Variants in INSYN2A observed in about 807,000 individuals in gnomAD.
INSYN2A encodes inhibitory synaptic factor 2A, also known as family with sequence similarity 196 member A.
INSYN2A carries 17 observed loss-of-function variants against 39.4 expected under a neutral mutation model. The ratio of observed to expected loss-of-function variants is 0.43; its 90% CI spans 0.30 to 0.65. The LOEUF is 0.65. Ranked by LOEUF, INSYN2A falls within the 30% of genes least tolerant of loss-of-function variation. The pLI is 0.14. For synonymous variants in INSYN2A, 255 were observed against 265.7 expected (o/e 0.96, Z 0.39); for missense variants, 595 against 631.2 (o/e 0.94, Z 0.61).
chr10:127,186,217 A>G (rs1410911423), intron 2 of INSYN2A, among the ~76,000 whole-genome samples: 3 of 152,168 alleles, frequency 2.0e-5, no homozygotes, highest in African/African-American at 7.2e-5. Flanking sequence ...GAAATGCCTG[A>G]GACTGGGTTA....
At chr10:127,141,378 C>A (rs2051226418) in intron 5 of INSYN2A, among the ~76,000 whole-genome samples, 1 of 152,108 alleles carries the variant, frequency 6.6e-6, no homozygotes, top group African/African-American at 2.4e-5. Context: ...CGTAATATTG[C>A]TAGAATTAAT....
chr10:127,173,749 C>T (rs1011913966), intron 4 of INSYN2A, among the ~76,000 whole-genome samples: 9 of 152,250 alleles, frequency 5.9e-5, no homozygotes, highest in African/African-American at 9.6e-5. Context: ...CCCCACCCCA[C>T]GCCTGATGAG....
chr10:127,158,146 A>C lies in INSYN2A; in HGVS notation c.1185-4223T>G, dbSNP rs538039979. 2.0e-5 allele frequency among the ~76,000 whole-genome samples: 3 copies of C among 152,338 alleles called. No homozygotes were observed. The South Asian group carries it at 6.2e-4, about 32-fold the overall frequency. On this transcript the variant is annotated intron_variant, in intron 4 of 5. Coordinates refer to ENST00000522781, the MANE Select transcript of INSYN2A (RefSeq NM_001039762.3). Reference sequence around the variant, plus strand: ...TTCTCCAAATAGAGATGAAACAGATAAGTTATTTCTACAGGACAGGGAACA... The same window carrying C: ...TTCTCCAAATAGAGATGAAACAGATCAGTTATTTCTACAGGACAGGGAACA...
Position 127,176,131 on chromosome 10 carries a change from T to A in INSYN2A, c.265A>T (p.Thr89Ser). ...GGGATGGACCTGCGTGCGGGCACTG[T>A]CATGTATTTGCGGTAGGCTGCTCTG... is the stretch of plus-strand genomic sequence containing the variant. ...SCRAAYRKYM[T>S]VPARRSIPNV... Residue 89 changes from threonine (T) to serine (S), a missense_variant, in exon 4 of 6, where the codon ACA becomes TCA. Transcript: ENST00000522781. This position sits in a 1 kb window ranked among gnomAD's most constrained non-coding sequence, Gnocchi z 4.4. 1 of 1,614,066 alleles carries A rather than the reference T, an allele frequency of 6.2e-7. No homozygotes were observed. Among genetic ancestry groups the A allele is most frequent in the Non-Finnish European group, 8.5e-7 (1 of 1,180,016 alleles).
In INSYN2A at chr10:127,153,841, T is replaced by C. The variant is rs1243393131; in HGVS notation, c.1256+11A>G. Reference sequence around the variant, plus strand: ...TAATAAGAAAGTGGGAAGAGGAGAATGTTAACATACCTATAGATAATACAT... The same window carrying C: ...TAATAAGAAAGTGGGAAGAGGAGAACGTTAACATACCTATAGATAATACAT... On this transcript the variant is annotated intron_variant, in intron 5 of 5. Coordinates refer to ENST00000522781, the MANE Select transcript of INSYN2A (RefSeq NM_001039762.3). The C allele has an allele frequency of 6.3e-7, 1 of 1,598,874 alleles. No homozygotes were observed. The highest frequency in any genetic ancestry group is 8.6e-7 in the Non-Finnish European group (1 of 1,166,560).
In INSYN2A at chr10:127,135,495, T is replaced by A. The variant is rs2050612844; in HGVS notation, c.*2342A>T. On this transcript the variant is annotated 3_prime_UTR_variant, in exon 6 of 6. Coordinates refer to ENST00000522781, the MANE Select transcript of INSYN2A (RefSeq NM_001039762.3). ...ACGACAAGTATAATAATTTAATCTC[T>A]ATATGCAATGCCATGTGTACATCTA... 1 of 152,684 alleles carries A rather than the reference T, an allele frequency of 6.5e-6. No individual in the cohort carries two copies. Among genetic ancestry groups the A allele is most frequent in the African/African-American group, 2.4e-5 (1 of 41,470 alleles). 9.5% of individuals were successfully genotyped at this position (152,684 alleles called of 1,614,324 possible).
chr10:127,188,914 C>T (rs562998291), intron 2 of INSYN2A, among the ~76,000 whole-genome samples: 28 of 152,334 alleles, frequency 1.8e-4, no homozygotes, highest in African/African-American at 6.7e-4. Flanking sequence ...CACACAGATA[C>T]TGGCAGAGCC....
Position 127,137,979 on chromosome 10 carries a change from G to T in INSYN2A, c.1298C>A (p.Pro433Gln). 3.7e-6 allele frequency: 6 copies of T among 1,613,332 alleles called. No individual in the cohort carries two copies. Among genetic ancestry groups the T allele is most frequent in the Non-Finnish European group, 5.1e-6 (6 of 1,179,868 alleles). The change falls in exon 6 of 6, where the codon CCG becomes CAG. Residue 433 changes from proline (P) to glutamine (Q), a missense_variant. Pro to Gln is a moderately conservative substitution (Grantham distance 76). This residue lies in a region of INSYN2A where 117 missense variants were observed against 163.8 expected (regional missense o/e 0.71). Coordinates refer to ENST00000522781, the MANE Select transcript of INSYN2A (RefSeq NM_001039762.3). Reference protein sequence around the residue: ...DFKQQEDKLQPVLRKLHPIEE... With the variant: ...DFKQQEDKLQQVLRKLHPIEE... ...AATAGGGTGGAGTTTTCTTAGAACC[G>T]GCTGGAGTTTGTCTTCTTGCTGCTT...
At chr10:127,193,810 A>G (rs1366844493) in intron 1 of INSYN2A, among the ~76,000 whole-genome samples, 1 of 152,206 alleles carries the variant, frequency 6.6e-6, no homozygotes, top group Non-Finnish European at 1.5e-5. Context: ...GCCACAGGGG[A>G]AAACAACTGT....
chr10:127,189,687 G>A (rs1242608596), intron 2 of INSYN2A, among the ~76,000 whole-genome samples: 2 of 152,152 alleles, frequency 1.3e-5, no homozygotes, highest in Admixed American at 6.5e-5. Flanking sequence ...TGAAAAATAC[G>A]GTTTGAAAGT....
rs1378817065 is a variant in INSYN2A at position 127,137,238 on chromosome 10, G to A, written c.*599C>T. 1 of 152,580 alleles carries A rather than the reference G, an allele frequency of 6.6e-6. No individual in the cohort carries two copies. Among genetic ancestry groups the A allele is most frequent in the Admixed American group, 6.5e-5 (1 of 15,282 alleles). 9.5% of individuals were successfully genotyped at this position (152,580 alleles called of 1,614,324 possible). A position where few individuals can be genotyped will look rare whatever the true frequency, so the allele number is the denominator to read the frequency against. On this transcript the variant is annotated 3_prime_UTR_variant, in exon 6 of 6. Coordinates refer to ENST00000522781, the MANE Select transcript of INSYN2A (RefSeq NM_001039762.3). Reference sequence around the variant, plus strand: ...GGTGTCGTTGTGACACTGAGATGTGGTCACTTGGCTTAGCGCTATAGCACA... The same window carrying A: ...GGTGTCGTTGTGACACTGAGATGTGATCACTTGGCTTAGCGCTATAGCACA...
intron 2 of INSYN2A, among the ~76,000 whole-genome samples, chr10:127,188,561 G>C (rs1447510730): frequency 1.3e-5 from 2 of 152,112 alleles, no homozygotes; most frequent in African/African-American, 4.8e-5. Flanking sequence ...CATTAGAGAG[G>C]GGGTGCTCAA....
chr10:127,188,405 G>A (rs2056469673), intron 2 of INSYN2A, among the ~76,000 whole-genome samples: 1 of 152,168 alleles, frequency 6.6e-6, no homozygotes, highest in Non-Finnish European at 1.5e-5. Context: ...TATATTTCTG[G>A]TTGGAGACGC....
At chr10:127,146,679 C>A (rs1268026374) in intron 5 of INSYN2A, among the ~76,000 whole-genome samples, 2 of 152,166 alleles carry the variant, frequency 1.3e-5, no homozygotes, top group Admixed American at 1.3e-4. Flanking sequence ...GCGAATTTCC[C>A]CCACCTCAGT....
intron 2 of INSYN2A, among the ~76,000 whole-genome samples, chr10:127,181,111 CT>C (rs2055690811): frequency 6.6e-6 from 1 of 152,086 alleles, no homozygotes; most frequent in African/African-American, 2.4e-5. Context: ...CAAAGGTCAT[CT>C]TTTATTGTTT....
intron 4 of INSYN2A, among the ~76,000 whole-genome samples, chr10:127,159,518 C>T (rs1459041077): frequency 6.6e-6 from 1 of 152,144 alleles, no homozygotes; most frequent in African/African-American, 2.4e-5. Flanking sequence ...AATACACACA[C>T]ATACATACCT....
intron 2 of INSYN2A, among the ~76,000 whole-genome samples, chr10:127,180,965 C>T (rs1269886747): frequency 6.6e-6 from 1 of 152,104 alleles, no homozygotes; most frequent in Non-Finnish European, 1.5e-5. Context: ...GGTACAGCGT[C>T]GTTCTGGTTT....
intron 5 of INSYN2A, chr10:127,145,964 G>A: frequency 5.8e-6 from 3 of 513,868 alleles, no homozygotes; most frequent in South Asian, 4.3e-5. Context: ...GCCTATCTGT[G>A]AGGAAGAACC....
chr10:127,184,015 A>G (rs1193063893), intron 2 of INSYN2A, among the ~76,000 whole-genome samples: 2 of 152,168 alleles, frequency 1.3e-5, no homozygotes, highest in Non-Finnish European at 2.9e-5. Context: ...CTCTTTGTGC[A>G]TGAAAAACTT....
Sources: allele counts gnomAD v4.1 joint callset (sites outside exome capture counted in the v4.1 genomes callset), GRCh38; gene constraint gnomAD v4.1.1; regional missense constraint gnomAD v4.1.1; non-coding constraint Gnocchi (gnomAD v3.1); transcripts MANE v1.5; gene names NCBI Gene and HGNC (gene_info 2026-07-23, HGNC 2026-07-21).